Variants in GRAMD4 observed in about 807,000 individuals in gnomAD.
GRAMD4 encodes GRAM domain-containing protein 4.
GRAMD4 carries 25 observed loss-of-function variants against 83.9 expected under a neutral mutation model. The ratio of observed to expected loss-of-function variants is 0.30; its 90% confidence interval spans 0.22 to 0.42. The LOEUF is 0.42. GRAMD4 is among the 10% of genes least tolerant of loss of function. The probability of loss-of-function intolerance (pLI) is 1.00; values close to 1 mark genes in which losing one functional copy is unlikely to be tolerated. For missense variants in GRAMD4, 593 were observed against 788.7 expected, an observed-to-expected ratio of 0.75 and a Z score of 2.97; for synonymous variants, 336 against 320.9, an observed-to-expected ratio of 1.05 and a Z score of -0.50.
intron 6 of GRAMD4, 104 bp from the exon 7 acceptor site, chr22:46,663,734 A>T (rs1411264698): frequency 1.8e-6 from 2 of 1,107,042 alleles, no homozygotes; most frequent in African/African-American, 3.1e-5. Flanking sequence ...GGCTGTTGAG[A>T]CGTCCTCCCT....
chr22:46,627,953 G>C (rs977089620), intron 2 of GRAMD4, among the ~76,000 whole-genome samples: 1 of 152,216 alleles, frequency 6.6e-6, no homozygotes, highest in Admixed American at 6.5e-5. Context: ...GGTCCTGGGG[G>C]TGGACCGGGA....
chr22:46,601,326 T>C (rs1420529910), intron 1 of GRAMD4, among the ~76,000 whole-genome samples: 6 of 151,962 alleles, frequency 3.9e-5, no homozygotes, highest in Admixed American at 2.0e-4. Flanking sequence ...ATTTTAGGAT[T>C]ATCACTGGAA....
downstream of GRAMD4, among the ~76,000 whole-genome samples, chr22:46,680,821 T>TCCATCCAG (rs2082665291): frequency 1.4e-5 from 1 of 71,030 alleles, no homozygotes; most frequent in Non-Finnish European, 2.4e-5. Flanking sequence ...CATCCATCCA[T>TCCATCCAG]CCATCCATCC....
At chr22:46,648,490 T>C (rs957504484) in intron 3 of GRAMD4, among the ~76,000 whole-genome samples, 5 of 149,334 alleles carry the variant, frequency 3.3e-5, no homozygotes, top group Non-Finnish European at 5.9e-5. Context: ...AGTGGATGGA[T>C]GGATGAATGG....
intron 1 of GRAMD4, among the ~76,000 whole-genome samples, chr22:46,593,570 G>T (rs2147017491): frequency 6.6e-6 from 1 of 152,254 alleles, no homozygotes; most frequent in African/African-American, 2.4e-5. Flanking sequence ...GTTCAGTGCT[G>T]GGGCAGCCTT....
intron 3 of GRAMD4, among the ~76,000 whole-genome samples, chr22:46,654,638 G>T (rs1017801396): frequency 1.3e-5 from 2 of 152,192 alleles, no homozygotes; most frequent in Non-Finnish European, 2.9e-5. Context: ...CCAAGTCCCC[G>T]CCTGCCTCCA....
intron 16 of GRAMD4, 124 bp downstream of exon 16, chr22:46,674,874 T>C: frequency 1.4e-6 from 1 of 721,474 alleles, no homozygotes. Flanking sequence ...GCCTCTCCCA[T>C]GCTCTGCTCT....
intron 4 of GRAMD4, among the ~76,000 whole-genome samples, chr22:46,661,046 G>T (rs1163715618): frequency 6.6e-6 from 1 of 152,232 alleles, no homozygotes; most frequent in East Asian, 1.9e-4. Flanking sequence ...GTGTTGATCA[G>T]TATCTTTTCA....
downstream of GRAMD4, among the ~76,000 whole-genome samples, chr22:46,682,700 C>T (rs577772328): frequency 5.3e-5 from 8 of 152,348 alleles, no homozygotes; most frequent in East Asian, 7.7e-4. Context: ...CAGTGTAGCA[C>T]GCATATCCTG....
intron 17 of GRAMD4, among the ~76,000 whole-genome samples, chr22:46,676,060 C>G (rs1310142889): frequency 6.6e-6 from 1 of 152,230 alleles, no homozygotes; most frequent in South Asian, 2.1e-4. Context: ...GCACACTTGG[C>G]CCGAGTGGTC....
At chr22:46,625,555 A>T (rs1039361953) in intron 1 of GRAMD4, among the ~76,000 whole-genome samples, 1 of 152,232 alleles carries the variant, frequency 6.6e-6, no homozygotes, top group African/African-American at 2.4e-5. Flanking sequence ...GCATCTTTCC[A>T]TTTTCAGAGG....
At chr22:46,603,513 C>CTTTTTTTTTTTTTTTTT (rs1569254347) in intron 1 of GRAMD4, among the ~76,000 whole-genome samples, 2 of 105,978 alleles carry the variant, frequency 1.9e-5, no homozygotes, top group African/African-American at 7.3e-5. Flanking sequence ...CCGGCCTCTT[C>CTTTTTTTTTTTTTTTTT]TCTTTTTTTT....
intron 1 of GRAMD4, among the ~76,000 whole-genome samples, chr22:46,582,620 G>C (rs1030213882): frequency 6.6e-6 from 1 of 152,204 alleles, no homozygotes; most frequent in Non-Finnish European, 1.5e-5. Context: ...ACCCTGGCTC[G>C]GGTCTGAGCT....
In GRAMD4 at chr22:46,583,870, G is replaced by A. The variant is rs567441959; in HGVS notation, c.-50+6580G>A. Among the ~76,000 whole-genome samples the A allele has an allele frequency of 8.5e-5, 13 of 152,286 alleles. 1 individual carries two copies. The South Asian group carries it at 1.7e-3, about 19-fold the overall frequency. Reference sequence around the variant, plus strand: ...TGCCTTTGGGAGGAGGTCACTACACGCGGCCACACTTAAGGGCTGGGGAGT... The same window carrying A: ...TGCCTTTGGGAGGAGGTCACTACACACGGCCACACTTAAGGGCTGGGGAGT... On this transcript the variant is annotated intron_variant, in intron 1 of 1. Coordinates refer to the GRAMD4 transcript ENST00000431155.
At chr22:46,664,156 A>T (rs753314363) in intron 8 of GRAMD4, 39 bp downstream of exon 8, 13 of 1,403,258 alleles carry the variant, frequency 9.3e-6, no homozygotes, top group Non-Finnish European at 1.3e-5. Flanking sequence ...GGTGGGTGGG[A>T]TGTGCCTGCC....
At chr22:46,674,253 C>T (rs1458441149) in intron 15 of GRAMD4, among the ~76,000 whole-genome samples, 5 of 152,092 alleles carry the variant, frequency 3.3e-5, no homozygotes, top group Non-Finnish European at 5.9e-5. Flanking sequence ...CCGGGCAGCT[C>T]GAGGTGTGTG....
intron 3 of GRAMD4, among the ~76,000 whole-genome samples, chr22:46,651,846 G>A (rs2147294287): frequency 6.6e-6 from 1 of 152,264 alleles, no homozygotes; most frequent in South Asian, 2.1e-4. Context: ...GGAGCTGGAG[G>A]TGGGGGGGAG....
Position 46,675,549 on chromosome 22 carries a change from G to A in GRAMD4, c.1560G>A (p.Gln520=). The change falls in exon 17 of 19, where the codon CAG becomes CAA. Residue 520 remains glutamine (Q), a synonymous_variant. Transcript: ENST00000406902. ...VIKLVDITDI[Q]KYKVLSVLPG... ...AGCTAGTGGACATCACGGACATCCA[G>A]AAGGTTGGTGCACCTACCCACCCCC... 3 of 1,605,108 alleles carry A rather than the reference G, an allele frequency of 1.9e-6. No individual in the cohort carries two copies. Among genetic ancestry groups the A allele is most frequent in the Non-Finnish European group, 2.6e-6 (3 of 1,171,984 alleles).
At position 46,622,181 on chromosome 22, in the gene GRAMD4, C is replaced by G. The variant is rs1258426090; in HGVS notation, c.-50+1616C>G. On this transcript the variant is annotated intron_variant, in intron 1 of 18. Transcript: ENST00000406902. This position sits in a 1 kb window ranked among gnomAD's most constrained non-coding sequence, Gnocchi z 4.0. ...GCCTGAGGTGATTGGGAAGGCAGCC[C>G]TGGCCTCGGAATTACAGCCTCCCAG... Among the ~76,000 whole-genome samples, 2 of 152,276 alleles carry G rather than the reference C, an allele frequency of 1.3e-5. No homozygotes were observed. Among genetic ancestry groups the G allele is most frequent in the Non-Finnish European group, 2.9e-5 (2 of 68,004 alleles).
Sources: allele counts gnomAD v4.1 joint callset (sites outside exome capture counted in the v4.1 genomes callset), GRCh38; gene constraint gnomAD v4.1.1; non-coding constraint Gnocchi (gnomAD v3.1); transcripts MANE v1.5; gene names NCBI Gene and HGNC (gene_info 2026-07-23, HGNC 2026-07-21).